NRXN1: variants seen among roughly 807,000 people sequenced by gnomAD.
NRXN1 encodes neurexin-1.
NRXN1 carries 39 observed loss-of-function variants against 150.9 expected under a neutral mutation model. That is an observed-to-expected ratio of 0.26 (90% confidence interval 0.20 to 0.34). NRXN1 has a LOEUF of 0.34. Ranked by LOEUF, NRXN1 falls within the 10% of genes least tolerant of loss-of-function variation. The pLI is 1.00. For synonymous variants in NRXN1, 924 were observed against 757.0 expected, an observed-to-expected ratio of 1.22 and a Z score of -3.62; for missense variants, 1,815 against 1,949.9, an observed-to-expected ratio of 0.93 and a Z score of 1.30.
intron 8 of NRXN1, among the ~76,000 whole-genome samples, chr2:50,558,870 A>T (rs1303628359): frequency 6.6e-6 from 1 of 152,022 alleles, no homozygotes; most frequent in Non-Finnish European, 1.5e-5. Flanking sequence ...AGGTCAGGAG[A>T]TCGAGATAGA....
chr2:50,255,841 A>T (rs981416127), intron 17 of NRXN1, among the ~76,000 whole-genome samples: 6 of 152,184 alleles, frequency 3.9e-5, no homozygotes, highest in African/African-American at 9.6e-5. Flanking sequence ...TCTGCTTATT[A>T]CTATCATTAA....
intron 17 of NRXN1, among the ~76,000 whole-genome samples, chr2:50,285,709 C>T (rs4971663): frequency 0.3 from 45,225 of 151,948 alleles, 7,124 homozygotes; most frequent in African/African-American, 0.37. Context: ...AATAAAAAGA[C>T]AGCAGGTAGT....
At chr2:50,061,362 C>T (rs1694506028) in intron 19 of NRXN1, among the ~76,000 whole-genome samples, 1 of 152,080 alleles carries the variant, frequency 6.6e-6, no homozygotes, top group Admixed American at 6.5e-5. Context: ...GATCTAATAT[C>T]AAATATGCTG....
intron 5 of NRXN1, among the ~76,000 whole-genome samples, chr2:50,822,371 C>A (rs1196150562): frequency 6.6e-6 from 1 of 152,106 alleles, no homozygotes; most frequent in East Asian, 1.9e-4. Context: ...ACAAGTACCA[C>A]TGATTCACAA....
chr2:50,738,474 T>G (rs1057312214), intron 5 of NRXN1, among the ~76,000 whole-genome samples: 1 of 152,178 alleles, frequency 6.6e-6, no homozygotes. Flanking sequence ...AAAGCTCTAC[T>G]TTTGTTTTTC....
At chr2:50,478,282 A>G (rs2090152714) in intron 15 of NRXN1, among the ~76,000 whole-genome samples, 1 of 152,216 alleles carries the variant, frequency 6.6e-6, no homozygotes, top group Non-Finnish European at 1.5e-5. Flanking sequence ...AAGAAAAAGC[A>G]TGGGAAGTGA....
chr2:50,671,017 C>A (rs1688764382), intron 5 of NRXN1, among the ~76,000 whole-genome samples: 1 of 151,840 alleles, frequency 6.6e-6, no homozygotes, highest in African/African-American at 2.4e-5. Context: ...AATATCTTTT[C>A]TCTTCTTAAA....
rs145840174 is a variant in NRXN1, at chr2:50,010,163, C to G, written c.4128+43108G>C. On this transcript the variant is annotated intron_variant, in intron 21 of 22. Coordinates refer to ENST00000401669, the MANE Select transcript of NRXN1 (RefSeq NM_001330078.2). ...CGAACTCAAGTTAAAAAAAAAAAGT[C>G]AAATTTATAAAAGGAGAACACCAAA... 3.3e-5 allele frequency among the ~76,000 whole-genome samples: 5 copies of G among 150,248 alleles called. No individual in the cohort carries two copies. The East Asian group carries it at 9.9e-4, about 30-fold the overall frequency.
chr2:50,724,883 A>T lies in NRXN1; in HGVS notation c.833-101268T>A, dbSNP rs12614112. 2.6e-5 allele frequency among the ~76,000 whole-genome samples: 4 copies of T among 151,456 alleles called. No homozygotes were observed. The East Asian group carries it at 7.7e-4, about 29-fold the overall frequency. ...TTTCTTCTTTTGCTCTTCACAATAA[A>T]TCTTGCTGCTGCTCACTAAACAAAA... On this transcript the variant is annotated intron_variant, in intron 5 of 22. Transcript: ENST00000401669.
intron 17 of NRXN1, among the ~76,000 whole-genome samples, chr2:50,420,513 G>T (rs1203304764): frequency 1.3e-5 from 2 of 152,038 alleles, no homozygotes; most frequent in African/African-American, 2.4e-5. Context: ...GCTATTAGTG[G>T]AGTGTTTGCA....
At chr2:50,565,348 T>C (rs1669682672) in intron 8 of NRXN1, among the ~76,000 whole-genome samples, 1 of 152,082 alleles carries the variant, frequency 6.6e-6, no homozygotes, top group Non-Finnish European at 1.5e-5. Flanking sequence ...GATGTGTTAA[T>C]AAATTACCAA....
At chr2:50,368,473 T>C (rs957467800) in intron 17 of NRXN1, among the ~76,000 whole-genome samples, 4 of 152,000 alleles carry the variant, frequency 2.6e-5, no homozygotes, top group Non-Finnish European at 5.9e-5. Flanking sequence ...TTAGCAGAAA[T>C]GTTTGTATGA....
chr2:50,957,392 A>T (rs188674088), intron 2 of NRXN1, among the ~76,000 whole-genome samples: 33 of 152,302 alleles, frequency 2.2e-4, no homozygotes, highest in Non-Finnish European at 4.4e-4. Flanking sequence ...ATTACGCCCC[A>T]TAAGGCATTT....
chr2:50,199,375 T>A (rs1275615406), intron 18 of NRXN1: 1 of 152,056 alleles, frequency 6.6e-6, no homozygotes, highest in Non-Finnish European at 1.5e-5. Context: ...CCCAGAGAAA[T>A]ATACTGTTTT....
chr2:50,101,834 G>A (rs1029895048), intron 18 of NRXN1, among the ~76,000 whole-genome samples: 3 of 151,962 alleles, frequency 2.0e-5, no homozygotes, highest in African/African-American at 7.2e-5. Flanking sequence ...TTTCAAGTGT[G>A]TTTGATGGAC....
At chr2:50,568,247 A>C (rs1670159822) in intron 8 of NRXN1, among the ~76,000 whole-genome samples, 1 of 152,150 alleles carries the variant, frequency 6.6e-6, no homozygotes, top group African/African-American at 2.4e-5. Flanking sequence ...AGATTTCTTG[A>C]ATAATACCCC....
chr2:50,319,642 C>G (rs988714836), intron 17 of NRXN1, among the ~76,000 whole-genome samples: 1 of 152,076 alleles, frequency 6.6e-6, no homozygotes, highest in Non-Finnish European at 1.5e-5. Flanking sequence ...CTCATGGAAG[C>G]ACCTGTGTGG....
chr2:50,659,401 C>T (rs1384184240), intron 5 of NRXN1, among the ~76,000 whole-genome samples: 1 of 151,692 alleles, frequency 6.6e-6, no homozygotes, highest in Non-Finnish European at 1.5e-5. Flanking sequence ...GGATATTTTC[C>T]TTCAATAAAA....
At chr2:50,854,502 A>G (rs114115197) in intron 5 of NRXN1, among the ~76,000 whole-genome samples, 5 of 152,226 alleles carry the variant, frequency 3.3e-5, no homozygotes, top group African/African-American at 1.2e-4. Flanking sequence ...GCAATAGCCT[A>G]CCTTTAAGCT....
Sources: allele counts gnomAD v4.1 joint callset (sites outside exome capture counted in the v4.1 genomes callset), GRCh38; gene constraint gnomAD v4.1.1; transcripts MANE v1.5; gene names NCBI Gene and HGNC (gene_info 2026-07-23, HGNC 2026-07-21).